Variants in MTMR3 observed in about 807,000 individuals in gnomAD.
The protein encoded by MTMR3 is phosphatidylinositol-3,5-bisphosphate 3-phosphatase MTMR3.
In MTMR3, 32 loss-of-function variants were observed where a neutral mutation model predicts 132.4. That is an observed-to-expected ratio of 0.24 (90% CI 0.18 to 0.32). The LOEUF (loss-of-function observed/expected upper bound fraction) is 0.32. Ranked by LOEUF, MTMR3 falls within the 10% of genes least tolerant of loss-of-function variation. MTMR3 has a pLI of 1.00. For synonymous variants in MTMR3, 556 were observed against 550.3 expected, an observed-to-expected ratio of 1.01 and a Z score of -0.14; for missense variants, 1,216 against 1,489.6, an observed-to-expected ratio of 0.82 and a Z score of 3.02.
chr22:29,966,722 T>C (rs1362252284), intron 2 of MTMR3, among the ~76,000 whole-genome samples: 3 of 98,350 alleles, frequency 3.1e-5, no homozygotes, highest in African/African-American at 1.5e-4. Context: ...CCTGTAGGGG[T>C]GTGCGTGTGT....
rs866127435 is a variant in MTMR3, at chr22:29,906,246, G to A, written c.-138+22887G>A. ...TTGTCTCACATTTATCCATCCATCC[G>A]TCTGTCTGTCTGTCTGTCTGTCTGT... On this transcript the variant is annotated intron_variant, in intron 1 of 19. Transcript: ENST00000401950. Among the ~76,000 whole-genome samples the A allele has an allele frequency of 1.2e-3, 38 of 32,808 alleles. No individual in the cohort carries two copies. The East Asian group carries it at 0.032, about 28-fold the overall frequency. 21.5% of individuals were successfully genotyped at this position (32,808 alleles called of 152,430 possible). A position where few individuals can be genotyped will look rare whatever the true frequency, so the allele number is the denominator to read the frequency against.
At chr22:29,944,066 G>A (rs551414994) in intron 1 of MTMR3, among the ~76,000 whole-genome samples, 10 of 151,832 alleles carry the variant, frequency 6.6e-5, no homozygotes, top group African/African-American at 9.7e-5. Context: ...TGATCCTCCC[G>A]CCTTGGCATC....
intron 17 of MTMR3, chr22:30,021,764 C>T: frequency 2.3e-6 from 1 of 433,754 alleles, no homozygotes; most frequent in Non-Finnish European, 4.1e-6. Flanking sequence ...GGTCACTTCC[C>T]TCTCACTCAC....
intron 1 of MTMR3, among the ~76,000 whole-genome samples, chr22:29,928,160 A>ATT (rs1204369353): frequency 1.7e-5 from 2 of 114,800 alleles, no homozygotes; most frequent in African/African-American, 3.3e-5. Flanking sequence ...TAATCACTAC[A>ATT]TTTTTTTTTT....
rs1037632400 is a variant in MTMR3 at position 30,022,528 on chromosome 22, T to C, written c.3337-81T>C. ...GGAGCTGATGTGGTCCTTGTGACTC[T>C]TGCTGCCCCCAGCATGGCTCTGCTG... On this transcript the variant is annotated intron_variant, in intron 18 of 19. Transcript: ENST00000401950. 4.0e-6 allele frequency: 5 copies of C among 1,248,900 alleles called. No homozygotes were observed. In the African/African-American group the frequency reaches 4.4e-5, roughly 11 times the overall value. 77.4% of individuals were successfully genotyped at this position (1,248,900 alleles called of 1,614,324 possible).
chr22:30,010,199 T>C (rs897844003), intron 12 of MTMR3: 2 of 152,162 alleles, frequency 1.3e-5, no homozygotes, highest in African/African-American at 4.8e-5. Context: ...ACCCAGGAGA[T>C]CGGCCGCGAA....
intron 1 of MTMR3, among the ~76,000 whole-genome samples, chr22:29,944,789 CATT>C (rs1249292930): frequency 6.6e-6 from 1 of 152,154 alleles, no homozygotes; most frequent in Non-Finnish European, 1.5e-5. Flanking sequence ...CATGTAAACT[CATT>C]AGAACTGTTA....
At chr22:30,019,202 C>CAAAA in intron 16 of MTMR3, 3 of 153,386 alleles carry the variant, frequency 2.0e-5, no homozygotes, top group African/African-American at 4.8e-5. Context: ...GACTCCGTCT[C>CAAAA]AAAAAAAAAA....
chr22:29,939,420 AGTT>A (rs2065812341), intron 1 of MTMR3, among the ~76,000 whole-genome samples: 1 of 152,218 alleles, frequency 6.6e-6, no homozygotes, highest in Non-Finnish European at 1.5e-5. Context: ...ATTAATCCTG[AGTT>A]GTTAATTTTA....
intron 12 of MTMR3, 79 bp downstream of exon 12, chr22:30,009,208 A>G: frequency 1.0e-6 from 1 of 986,422 alleles, no homozygotes; most frequent in Non-Finnish European, 1.6e-6. Context: ...TAAGGGGGAA[A>G]AAAAGAAAAA....
Position 29,978,455 on chromosome 22 carries a change from G to C in MTMR3, c.17G>C (p.Arg6Pro). Residue 6 changes from arginine (R) to proline (P), a missense_variant, in exon 4 of 20, where the codon CGG becomes CCG. Transcript: ENST00000401950. ...GGACTTTTCCAGGATGAAGAGACTC[G>C]GCACAGCCTTGAGTGCATCCAGGCC... MDEETRHSLECIQANQ... is the reference protein window; with the variant it reads MDEETPHSLECIQANQ... The C allele has an allele frequency of 6.2e-7, 1 of 1,611,680 alleles. No homozygotes were observed. The highest frequency in any genetic ancestry group is 8.5e-7 in the Non-Finnish European group (1 of 1,178,418).
intron 1 of MTMR3, among the ~76,000 whole-genome samples, chr22:29,916,765 C>T (rs762872464): frequency 6.6e-6 from 1 of 152,180 alleles, no homozygotes; most frequent in Non-Finnish European, 1.5e-5. Flanking sequence ...CAGTGTTTTG[C>T]ACCATTTGTC....
At chr22:29,917,573 T>A (rs926938516) in intron 1 of MTMR3, among the ~76,000 whole-genome samples, 8 of 152,186 alleles carry the variant, frequency 5.3e-5, no homozygotes, top group Admixed American at 1.3e-4. Context: ...TGTGCAATTT[T>A]AAAAAAAAGT....
chr22:29,997,958 A>G (rs1762528439), intron 7 of MTMR3: 1 of 152,246 alleles, frequency 6.6e-6, no homozygotes, highest in African/African-American at 2.4e-5. Context: ...GAAAGTTTGG[A>G]AAACTCTCAA....
chr22:29,893,699 G>A (rs1397053626), intron 1 of MTMR3, among the ~76,000 whole-genome samples: 3 of 151,698 alleles, frequency 2.0e-5, no homozygotes, highest in African/African-American at 4.8e-5. Context: ...AAGAGACCCT[G>A]GATGGCCATG....
chr22:29,994,035 G>A (rs2067013818), intron 7 of MTMR3: 3 of 811,726 alleles, frequency 3.7e-6, no homozygotes, highest in Non-Finnish European at 4.5e-6. Context: ...GGACATTCAT[G>A]CTCTTCCTGC....
At chr22:29,961,838 A>G (rs1299431566) in intron 2 of MTMR3, among the ~76,000 whole-genome samples, 1 of 152,214 alleles carries the variant, frequency 6.6e-6, no homozygotes, top group Non-Finnish European at 1.5e-5. Context: ...AATCTTTTGT[A>G]TCATTTTTAC....
intron 1 of MTMR3, among the ~76,000 whole-genome samples, chr22:29,888,749 ATTTC>A (rs1226444914): frequency 2.8e-5 from 4 of 144,362 alleles, no homozygotes; most frequent in Admixed American, 7.1e-5. Context: ...TCGAAATCTA[ATTTC>A]TTTATTAGTT....
intron 1 of MTMR3, among the ~76,000 whole-genome samples, chr22:29,940,090 A>AC (rs1225191803): frequency 6.6e-5 from 10 of 152,032 alleles, no homozygotes; most frequent in Non-Finnish European, 1.2e-4. Context: ...ACACAGTGAA[A>AC]CCCCGTCTCT....
Sources: allele counts gnomAD v4.1 joint callset (sites outside exome capture counted in the v4.1 genomes callset), GRCh38; gene constraint gnomAD v4.1.1; transcripts MANE v1.5; gene names NCBI Gene and HGNC (gene_info 2026-07-23, HGNC 2026-07-21).